Variants in C8orf34 observed in about 807,000 individuals in gnomAD.
The protein encoded by C8orf34 is chromosome 8 open reading frame 34, also known as uncharacterized protein C8orf34.
A neutral mutation model predicts 68.3 loss-of-function variants in C8orf34; 65 were observed. The observed-to-expected ratio is 0.95, with a 90% CI of 0.78 to 1.17. C8orf34 has a LOEUF of 1.17. C8orf34 is among the 50% of genes most tolerant of loss of function. The probability of loss-of-function intolerance (pLI) is 0.00; values close to 1 mark genes in which losing one functional copy is unlikely to be tolerated. For synonymous variants in C8orf34, 244 were observed against 241.2 expected, an observed-to-expected ratio of 1.01 and a Z score of -0.11; for missense variants, 664 against 655.4, an observed-to-expected ratio of 1.01 and a Z score of -0.14.
intron 13 of C8orf34, among the ~76,000 whole-genome samples, 164 bp downstream of exon 13, chr8:68,816,109 T>A (rs1298377723): frequency 7.9e-6 from 1 of 127,068 alleles, no homozygotes; most frequent in Admixed American, 7.7e-5. Flanking sequence ...CCTAAGAGTG[T>A]GTGTGTGTGT....
chr8:68,458,229 A>G (rs974716688), intron 3 of C8orf34, among the ~76,000 whole-genome samples: 1 of 152,184 alleles, frequency 6.6e-6, no homozygotes, highest in Non-Finnish European at 1.5e-5. Context: ...TTAGTTCTCT[A>G]TTGTGCAGCA....
At chr8:68,560,869 C>G (rs772845088) in intron 7 of C8orf34, among the ~76,000 whole-genome samples, 1 of 151,882 alleles carries the variant, frequency 6.6e-6, no homozygotes, top group Non-Finnish European at 1.5e-5. Context: ...TGTAAACACT[C>G]TACATTTTGG....
intron 4 of C8orf34, among the ~76,000 whole-genome samples, chr8:68,477,584 C>A (rs1812675814): frequency 6.6e-6 from 1 of 152,226 alleles, no homozygotes; most frequent in Non-Finnish European, 1.5e-5. Context: ...CCTGGAAAAG[C>A]CACAGACACT....
At chr8:68,801,443 A>T (rs1824324498) in intron 12 of C8orf34, among the ~76,000 whole-genome samples, 1 of 152,136 alleles carries the variant, frequency 6.6e-6, no homozygotes, top group Non-Finnish European at 1.5e-5. Context: ...AATTTGTTTC[A>T]TTCATTTACC....
At chr8:68,593,822 A>G (rs1250864859) in intron 7 of C8orf34, among the ~76,000 whole-genome samples, 1 of 151,872 alleles carries the variant, frequency 6.6e-6, no homozygotes, top group African/African-American at 2.4e-5. Flanking sequence ...TTTCTTTAGT[A>G]TTCATGGCTA....
intron 7 of C8orf34, among the ~76,000 whole-genome samples, chr8:68,634,197 G>C (rs1472037979): frequency 2.0e-5 from 3 of 152,154 alleles, no homozygotes; most frequent in Non-Finnish European, 4.4e-5. Flanking sequence ...TAAGAATGTT[G>C]CTTTTCTTGT....
chr8:68,794,274 C>T (rs1306068948), intron 12 of C8orf34, among the ~76,000 whole-genome samples: 3 of 151,078 alleles, frequency 2.0e-5, no homozygotes, highest in South Asian at 4.2e-4. Flanking sequence ...AGGGCTCAAG[C>T]GATCCTCCCA....
At chr8:68,790,104 A>G (rs938350858) in intron 12 of C8orf34, among the ~76,000 whole-genome samples, 1 of 152,226 alleles carries the variant, frequency 6.6e-6, no homozygotes, top group Non-Finnish European at 1.5e-5. Flanking sequence ...AGATGCAAAT[A>G]AGAGTAGCTT....
chr8:68,359,201 A>T (rs1175120216), intron 1 of C8orf34, among the ~76,000 whole-genome samples: 1 of 152,184 alleles, frequency 6.6e-6, no homozygotes, highest in Non-Finnish European at 1.5e-5. Flanking sequence ...AACAGAAAAC[A>T]AGAATGATTT....
At chr8:68,539,561 A>G (rs1815621842) in intron 7 of C8orf34, among the ~76,000 whole-genome samples, 1 of 152,306 alleles carries the variant, frequency 6.6e-6, no homozygotes, top group African/African-American at 2.4e-5. Context: ...CCTTAAAATT[A>G]TTGTAGTTGG....
intron 1 of C8orf34, among the ~76,000 whole-genome samples, chr8:68,338,204 G>A (rs1805929790): frequency 6.6e-6 from 1 of 152,130 alleles, no homozygotes; most frequent in South Asian, 2.1e-4. Flanking sequence ...ACTGTATGAA[G>A]CCTCTTTTAA....
chr8:68,555,529 A>C (rs1481117479), intron 7 of C8orf34, among the ~76,000 whole-genome samples: 1 of 151,916 alleles, frequency 6.6e-6, no homozygotes, highest in Non-Finnish European at 1.5e-5. Context: ...TTATACTATT[A>C]ATTTTCTGCC....
At chr8:68,497,914 C>T (rs933035139) in intron 5 of C8orf34, among the ~76,000 whole-genome samples, 2 of 152,214 alleles carry the variant, frequency 1.3e-5, no homozygotes, top group South Asian at 2.1e-4. Context: ...CCGCAACCTC[C>T]GCCTCCCGGG....
intron 7 of C8orf34, among the ~76,000 whole-genome samples, chr8:68,575,349 C>T (rs1816870862): frequency 1.3e-5 from 2 of 151,940 alleles, no homozygotes; most frequent in Non-Finnish European, 2.9e-5. Flanking sequence ...TTCTTTTTGT[C>T]AGGCTGTTAT....
intron 1 of C8orf34, among the ~76,000 whole-genome samples, chr8:68,395,617 T>C (rs1808670655): frequency 6.6e-6 from 1 of 152,164 alleles, no homozygotes; most frequent in Admixed American, 6.6e-5. Context: ...ATCATTAATA[T>C]GGGCAATAGA....
At chr8:68,386,363 G>T (rs1242564669) in intron 1 of C8orf34, among the ~76,000 whole-genome samples, 2 of 152,070 alleles carry the variant, frequency 1.3e-5, no homozygotes, top group Non-Finnish European at 2.9e-5. Flanking sequence ...TAATAAAAAA[G>T]CTTTGAAGTA....
At position 68,709,058 on chromosome 8, in the gene C8orf34, GA is replaced by G. The variant is rs755035986; in HGVS notation, c.1312del (p.Ile438SerfsTer15). The part of the protein sequence containing the change: ...ESLPILHSPD[E>X]KIPDSFDSLP... Reference sequence around the variant, plus strand: ...ACTACCAATACTCCATTCTCCAGATGAAAAAATCCCAGATTCATTCGGTAAG... The same window carrying G: ...ACTACCAATACTCCATTCTCCAGATGAAAAATCCCAGATTCATTCGGTAAG... On this transcript the variant is annotated frameshift_variant, in exon 9 of 14. Transcript: ENST00000518698. LOFTEE classifies it high-confidence loss of function. 3.1e-6 allele frequency: 5 copies of G among 1,612,040 alleles called. No individual in the cohort carries two copies. Among genetic ancestry groups the G allele is most frequent in the African/African-American group, 2.7e-5 (2 of 74,766 alleles).
chr8:68,491,670 A>ATCATGCAAAGTCCTTTTGCATAT (rs1191715447), intron 5 of C8orf34, among the ~76,000 whole-genome samples: 6 of 152,362 alleles, frequency 3.9e-5, no homozygotes, highest in African/African-American at 1.2e-4. Context: ...TTTAATCTTA[A>ATCATGCAAAGTCCTTTTGCATAT]TCATGCAAAG....
chr8:68,686,751 C>T (rs543319251), intron 8 of C8orf34, among the ~76,000 whole-genome samples: 17 of 152,196 alleles, frequency 1.1e-4, no homozygotes, highest in African/African-American at 3.1e-4. Flanking sequence ...TTCTATTCAA[C>T]GTAGTACTGG....
Sources: allele counts gnomAD v4.1 joint callset (sites outside exome capture counted in the v4.1 genomes callset), GRCh38; gene constraint gnomAD v4.1.1; transcripts MANE v1.5; gene names NCBI Gene and HGNC (gene_info 2026-07-23, HGNC 2026-07-21).